RNF168: variants seen among roughly 807,000 people sequenced by gnomAD.
RNF168 encodes the protein ring finger protein 168.
In RNF168, 34 loss-of-function variants were observed where a neutral mutation model predicts 34.9. That is an observed-to-expected ratio of 0.97 (90% CI 0.74 to 1.30). The LOEUF is 1.30. RNF168 is among the 50% of genes most tolerant of loss of function. RNF168 has a pLI of 0.00. For missense variants in RNF168, 725 were observed against 682.5 expected (o/e 1.06, Z -0.69); for synonymous variants, 264 against 254.7 (o/e 1.04, Z -0.35).
rs553940481 is a variant in RNF168 at position 196,492,777 on chromosome 3, C to CAAAT, written c.302-4098_302-4095dup. Among the ~76,000 whole-genome samples, 1,066 of 151,380 alleles carry CAAAT rather than the reference C, an allele frequency of 7.0e-3. 14 individuals are homozygous for CAAAT. Among genetic ancestry groups the CAAAT allele is most frequent in the African/African-American group, 0.021 (883 of 41,088 alleles). On this transcript the variant is annotated intron_variant, in intron 1 of 5. Coordinates refer to ENST00000318037, the MANE Select transcript of RNF168 (RefSeq NM_152617.4). Reference sequence around the variant, plus strand: ...TGGGTGACAGAGAGAGACTCCATCTCAAATAAATAAATAAATAAATAAATA... The same window carrying CAAAT: ...TGGGTGACAGAGAGAGACTCCATCTCAAATAAATAAATAAATAAATAAATAAATA...
In RNF168 at chr3:196,478,712, A is replaced by G. The variant is rs575585322; in HGVS notation, c.681-3400T>C. On this transcript the variant is annotated intron_variant, in intron 4 of 5. Transcript: ENST00000318037. ...GACAGAGTCTCACTCTATCGCCCAGACTGAAGTACAATGGCACAATCTCTG... is the reference window on the plus strand; with the variant it reads ...GACAGAGTCTCACTCTATCGCCCAGGCTGAAGTACAATGGCACAATCTCTG... 2.0e-5 allele frequency among the ~76,000 whole-genome samples: 3 copies of G among 152,046 alleles called. No individual in the cohort carries two copies. In the East Asian group the frequency reaches 5.8e-4, roughly 29 times the overall value.
chr3:196,476,667 C>T (rs1010765949), intron 4 of RNF168, among the ~76,000 whole-genome samples: 8 of 152,192 alleles, frequency 5.3e-5, no homozygotes, highest in East Asian at 1.9e-4. Context: ...CCGCCTGCTT[C>T]GGCCTCCCAA....
chr3:196,502,826 C>A, intron 1 of RNF168, 47 bp downstream of exon 1: 1 of 1,534,946 alleles, frequency 6.5e-7, no homozygotes, highest in Non-Finnish European at 9.0e-7. Flanking sequence ...TTCACCTTTT[C>A]AAAGACTTGC....
In RNF168 at chr3:196,503,198, AAAC is replaced by A; in HGVS notation, c.-28_-26del. On this transcript the variant is annotated 5_prime_UTR_variant, in exon 1 of 6. Coordinates refer to ENST00000318037, the MANE Select transcript of RNF168 (RefSeq NM_152617.4). ...TTTCAATATGTTAGTAAAGCCGACTAAACAACGACACCTGCACGAAAAAGAATC... is the reference window on the plus strand; with the variant it reads ...TTTCAATATGTTAGTAAAGCCGACTAAACGACACCTGCACGAAAAAGAATC... The A allele has an allele frequency of 1.9e-6, 3 of 1,605,074 alleles. No homozygotes were observed. Among genetic ancestry groups the A allele is most frequent in the Non-Finnish European group, 2.6e-6 (3 of 1,171,854 alleles).
In RNF168 at chr3:196,471,856, T is replaced by G. The variant is rs1450504413; in HGVS notation, c.1679A>C (p.Lys560Thr). The change falls in exon 6 of 6, where the codon AAA becomes ACA. Residue 560 changes from lysine to threonine, a missense_variant. Transcript: ENST00000318037. ...TCTCTGAAACATCTGAAAAACACTTTTCTGTGAAATGCTAGGCTGTAGGGA... is the reference window on the plus strand; with the variant it reads ...TCTCTGAAACATCTGAAAAACACTTGTCTGTGAAATGCTAGGCTGTAGGGA... ...AHSLQPSISQ[K>T]SVFQMFQRCT... 5.6e-6 allele frequency: 9 copies of G among 1,613,890 alleles called. No individual in the cohort carries two copies. Among genetic ancestry groups the G allele is most frequent in the Non-Finnish European group, 5.9e-6 (7 of 1,179,878 alleles).
At chr3:196,478,364 T>C (rs1288962321) in intron 4 of RNF168, among the ~76,000 whole-genome samples, 3 of 152,210 alleles carry the variant, frequency 2.0e-5, no homozygotes, top group Non-Finnish European at 4.4e-5. Flanking sequence ...GGGGGCCAAC[T>C]GTTCAAATCA....
intron 3 of RNF168, among the ~76,000 whole-genome samples, chr3:196,485,624 T>C (rs530231029): frequency 6.6e-6 from 1 of 152,322 alleles, no homozygotes; most frequent in East Asian, 1.9e-4. Context: ...TTTAGTTTCC[T>C]GATTGTGTAT....
rs770502445 is a variant in RNF168, at chr3:196,480,641, C to T, written c.680+3129G>A. Among the ~76,000 whole-genome samples, 62 of 152,136 alleles carry T rather than the reference C, an allele frequency of 4.1e-4. 1 individual carries two copies. The highest frequency in any genetic ancestry group is 1.6e-3 in the Admixed American group (25 of 15,262). On this transcript the variant is annotated intron_variant, in intron 4 of 5. Transcript: ENST00000318037. ...ATATAATACAATTTTCTCCACGGGT[C>T]GTACAGATTTTTATTTTTCTGAGAC... is the stretch of plus-strand genomic sequence containing the variant.
intron 4 of RNF168, among the ~76,000 whole-genome samples, chr3:196,481,820 A>G (rs552311919): frequency 6.8e-6 from 1 of 147,016 alleles, no homozygotes; most frequent in Admixed American, 6.9e-5. Context: ...CATTTGGCTA[A>G]TTTTTTTATT....
intron 5 of RNF168, among the ~76,000 whole-genome samples, chr3:196,474,175 T>C (rs1167299768): frequency 6.7e-6 from 1 of 149,036 alleles, no homozygotes; most frequent in Non-Finnish European, 1.5e-5. Context: ...TCATCCAGGC[T>C]GGAGTGCAAT....
chr3:196,469,476 A>G lies in RNF168; in HGVS notation c.*2343T>C, dbSNP rs1027648918. The G allele has an allele frequency of 6.6e-6, 1 of 152,210 alleles. No individual in the cohort carries two copies. 9.4% of individuals were successfully genotyped at this position (152,210 alleles called of 1,614,324 possible). ...ACCAACCTTAGAGGAAAAAAACTTA[A>G]TGACATACAGAAATACTGGCAAATT... On this transcript the variant is annotated 3_prime_UTR_variant, in exon 6 of 6. Transcript: ENST00000318037.
chr3:196,485,101 A>G (rs1732391121), intron 3 of RNF168, among the ~76,000 whole-genome samples: 3 of 152,222 alleles, frequency 2.0e-5, no homozygotes, highest in Non-Finnish European at 4.4e-5. Context: ...AAAATCACAA[A>G]TATTTACTTG....
rs111461444 is a variant in RNF168, at chr3:196,472,964, C to T, written c.763-192G>A. 6.7e-3 allele frequency among the ~76,000 whole-genome samples: 1,016 copies of T among 151,922 alleles called. 16 individuals carry two copies. The highest frequency in any genetic ancestry group is 0.024 in the Middle Eastern group (7 of 294). On this transcript the variant is annotated intron_variant, in intron 5 of 5. Transcript: ENST00000318037. The stretch of plus-strand genomic sequence containing the variant: ...TCGCCCAGGCTGGAGTGCAGTGGCG[C>T]GGTCTCAGCTCACTGCAACCTTCAC...
rs1405524582 is a variant in RNF168, at chr3:196,471,969, A to G, written c.1566T>C (p.Ser522=). The stretch of plus-strand genomic sequence containing the variant: ...CTGACTGCTTCAACTGCATCTTTAA[A>G]GACACTTGCCTATTTTTGTCCCTTG... ...RGSRDKNRQV[S]LKMQLKQSVN... is the part of the protein sequence containing the mutation. The change falls in exon 6 of 6, where the codon TCT becomes TCC. Residue 522 remains serine (S), a synonymous_variant. Coordinates refer to ENST00000318037, the MANE Select transcript of RNF168 (RefSeq NM_152617.4). The G allele has an allele frequency of 6.2e-7, 1 of 1,614,080 alleles. No homozygotes were observed. Among genetic ancestry groups the G allele is most frequent in the Non-Finnish European group, 8.5e-7 (1 of 1,180,020 alleles).
chr3:196,481,962 C>CTTTTT (rs1270244249), intron 4 of RNF168, among the ~76,000 whole-genome samples: 2 of 135,400 alleles, frequency 1.5e-5, no homozygotes, highest in East Asian at 2.3e-4. Context: ...CTGTCCCTGG[C>CTTTTT]TTTTTTTTTT....
At chr3:196,477,777 A>G (rs1014386647) in intron 4 of RNF168, among the ~76,000 whole-genome samples, 1 of 152,224 alleles carries the variant, frequency 6.6e-6, no homozygotes, top group Admixed American at 6.5e-5. Flanking sequence ...ATATATGAAT[A>G]CATGCTCATT....
chr3:196,496,442 T>G (rs1232551674), intron 1 of RNF168, among the ~76,000 whole-genome samples: 1 of 152,202 alleles, frequency 6.6e-6, no homozygotes, highest in Non-Finnish European at 1.5e-5. Context: ...CTTCCTTCTG[T>G]GCGTGTCTGT....
chr3:196,493,437 C>T (rs1363146723), intron 1 of RNF168, among the ~76,000 whole-genome samples: 1 of 152,210 alleles, frequency 6.6e-6, no homozygotes, highest in Non-Finnish European at 1.5e-5. Flanking sequence ...TCACTGCAGC[C>T]TCCAACCCCT....
chr3:196,472,592 T>A lies in RNF168; in HGVS notation c.943A>T (p.Lys315Ter), dbSNP rs535690717. ...TTCCCATGATTGCTTGGTCTTGTTT[T>A]GACGTTTCCTTCATGGTACCATTCG... ...GAEWYHEGNV[K>*]TRPSNHGKEL... Residue 315 changes from lysine (K) to a stop codon, truncating the protein, a stop_gained, in exon 6 of 6, where the codon AAA becomes TAA. Coordinates refer to ENST00000318037, the MANE Select transcript of RNF168 (RefSeq NM_152617.4). LOFTEE classifies it low-confidence loss of function (END_TRUNC). 1.2e-6 allele frequency: 2 copies of A among 1,614,208 alleles called. No homozygotes were observed. Among genetic ancestry groups the A allele is most frequent in the Admixed American group, 1.7e-5 (1 of 60,026 alleles).
Sources: allele counts gnomAD v4.1 joint callset (sites outside exome capture counted in the v4.1 genomes callset), GRCh38; gene constraint gnomAD v4.1.1; transcripts MANE v1.5; gene names NCBI Gene and HGNC (gene_info 2026-07-23, HGNC 2026-07-21).